Variants in ADGRL3 observed in about 807,000 individuals in gnomAD.
ADGRL3 encodes calcium-independent alpha-latrotoxin receptor 3.
A neutral mutation model predicts 153.5 loss-of-function variants in ADGRL3; 62 were observed. The observed-to-expected ratio is 0.40, with a 90% CI of 0.33 to 0.50. The LOEUF (loss-of-function observed/expected upper bound fraction) is 0.50. ADGRL3 is among the 20% of genes least tolerant of loss of function. The pLI is 0.47. For synonymous variants in ADGRL3, 710 were observed against 672.5 expected, an observed-to-expected ratio of 1.06 and a Z score of -0.86; for missense variants, 1,641 against 1,859.4, an observed-to-expected ratio of 0.88 and a Z score of 2.16.
At chr4:61,570,998 G>C (rs1297251880) in intron 4 of ADGRL3, among the ~76,000 whole-genome samples, 1 of 151,344 alleles carries the variant, frequency 6.6e-6, no homozygotes, top group Non-Finnish European at 1.5e-5. Flanking sequence ...TTAATGGGGG[G>C]TTGCTCAAAT....
At chr4:62,030,324 G>T (rs1265620660) in intron 22 of ADGRL3, among the ~76,000 whole-genome samples, 2 of 151,422 alleles carry the variant, frequency 1.3e-5, no homozygotes, top group Non-Finnish European at 3.0e-5. Flanking sequence ...TATAGTGGAG[G>T]ATAATAATCT....
At chr4:61,690,063 A>G (rs1245423252) in intron 6 of ADGRL3, among the ~76,000 whole-genome samples, 1 of 152,150 alleles carries the variant, frequency 6.6e-6, no homozygotes, top group African/African-American at 2.4e-5. Flanking sequence ...ATTCAAATTT[A>G]TTTGGCAAAT....
intron 4 of ADGRL3, among the ~76,000 whole-genome samples, chr4:61,570,841 G>A (rs867007997): frequency 6.6e-6 from 1 of 151,998 alleles, no homozygotes; most frequent in Non-Finnish European, 1.5e-5. Flanking sequence ...TTCTTGTCTT[G>A]TGTCTGTAGC....
At chr4:61,348,690 T>C (rs1208231834) in intron 1 of ADGRL3, among the ~76,000 whole-genome samples, 1 of 152,072 alleles carries the variant, frequency 6.6e-6, no homozygotes, top group Non-Finnish European at 1.5e-5. Context: ...TAAAATATAG[T>C]TGATATAATA....
intron 2 of ADGRL3, among the ~76,000 whole-genome samples, chr4:61,496,868 G>A (rs1374590811): frequency 6.6e-6 from 1 of 151,622 alleles, no homozygotes; most frequent in Non-Finnish European, 1.5e-5. Context: ...GTGAACCCGG[G>A]AGGCGGAGCT....
chr4:61,839,703 G>A (rs961905425), intron 9 of ADGRL3, among the ~76,000 whole-genome samples: 4 of 151,818 alleles, frequency 2.6e-5, no homozygotes, highest in South Asian at 2.1e-4. Context: ...GTAGGCCAAG[G>A]TGGGTGGATT....
intron 9 of ADGRL3, among the ~76,000 whole-genome samples, chr4:61,816,784 C>T (rs2097693178): frequency 6.6e-6 from 1 of 152,088 alleles, no homozygotes; most frequent in South Asian, 2.1e-4. Context: ...GCTGAGCCGG[C>T]AGGGGCCAGG....
At chr4:61,496,870 GGCGGAGCTTGCAGTGAGCCGAGATCGC>G (rs1222882719) in intron 2 of ADGRL3, among the ~76,000 whole-genome samples, 1 of 151,562 alleles carries the variant, frequency 6.6e-6, no homozygotes, top group African/African-American at 2.4e-5. Context: ...GAACCCGGGA[GGCGGAGCTTGCAGTGAGCCGAGATCGC>G]GCCACTGCAC....
intron 5 of ADGRL3, among the ~76,000 whole-genome samples, chr4:61,672,163 C>G (rs975277099): frequency 1.3e-5 from 2 of 152,018 alleles, no homozygotes; most frequent in Admixed American, 1.3e-4. Flanking sequence ...CCTATGTTTT[C>G]TTCTAATAGT....
chr4:61,394,507 T>G (rs551027219), intron 2 of ADGRL3, among the ~76,000 whole-genome samples: 1 of 152,096 alleles, frequency 6.6e-6, no homozygotes, highest in South Asian at 2.1e-4. Flanking sequence ...ATATATACAT[T>G]TAGAATTTAT....
At chr4:61,212,377 G>A (rs888402153) in intron 1 of ADGRL3, among the ~76,000 whole-genome samples, 1 of 152,094 alleles carries the variant, frequency 6.6e-6, no homozygotes, top group African/African-American at 2.4e-5. Flanking sequence ...TCTGTTTAGA[G>A]GCAGAGTATT....
At chr4:61,504,817 C>A (rs1008915907) in intron 3 of ADGRL3, among the ~76,000 whole-genome samples, 26 of 152,098 alleles carry the variant, frequency 1.7e-4, no homozygotes, top group Non-Finnish European at 5.9e-5. Flanking sequence ...GGATAAATTT[C>A]ATTGTGTATG....
chr4:61,496,872 C>T (rs1193756094), intron 2 of ADGRL3, among the ~76,000 whole-genome samples: 1 of 150,808 alleles, frequency 6.6e-6, no homozygotes, highest in African/African-American at 2.4e-5. Flanking sequence ...ACCCGGGAGG[C>T]GGAGCTTGCA....
At chr4:61,207,045 TTTA>T (rs542169417) in intron 1 of ADGRL3, among the ~76,000 whole-genome samples, 2,794 of 150,924 alleles carry the variant, frequency 0.019, 87 homozygotes, top group African/African-American at 0.063. Context: ...CTTTAGGTCA[TTTA>T]TTATTATTAT....
At chr4:61,645,128 ATTT>A (rs138058631) in intron 5 of ADGRL3, among the ~76,000 whole-genome samples, 22 of 151,598 alleles carry the variant, frequency 1.5e-4, no homozygotes, top group Admixed American at 1.2e-3. Context: ...TTTGTTTTCC[ATTT>A]TTTTTGGTAG....
In ADGRL3 at chr4:61,998,106, T is replaced by C. The variant is rs185389756; in HGVS notation, c.3304-68T>C. ...ATTTCCCAGAACAACTCATGTGTTA[T>C]AGAGAATAAATTTGCTTTTTTGTTC... On this transcript the variant is annotated intron_variant, in intron 20 of 26. Transcript: ENST00000683033. 52 of 703,338 alleles carry C rather than the reference T, an allele frequency of 7.4e-5. 1 individual carries two copies. Among genetic ancestry groups the C allele is most frequent in the African/African-American group, 5.8e-4 (32 of 55,570 alleles). 43.6% of individuals were successfully genotyped at this position (703,338 alleles called of 1,614,324 possible).
chr4:62,061,874 T>C (rs1048084170), intron 25 of ADGRL3, among the ~76,000 whole-genome samples: 6 of 151,994 alleles, frequency 3.9e-5, no homozygotes, highest in African/African-American at 1.4e-4. Context: ...TGAAGGAAAT[T>C]TGGGTTGTTT....
Position 61,745,703 on chromosome 4 carries a change from A to C in ADGRL3, c.1399+12149A>C, listed in dbSNP as rs1324553962. On this transcript the variant is annotated intron_variant, in intron 8 of 26. Coordinates refer to ENST00000683033, the MANE Select transcript of ADGRL3 (RefSeq NM_001387552.1). ...CAGGGCTTCCCTAAAAGAGCTCCTG[A>C]AGGAAGCACTAAACATGGAAAGGAA... Among the ~76,000 whole-genome samples, 4 of 152,238 alleles carry C rather than the reference A, an allele frequency of 2.6e-5. No homozygotes were observed. The East Asian group carries it at 7.7e-4, about 29-fold the overall frequency.
intron 8 of ADGRL3, among the ~76,000 whole-genome samples, chr4:61,751,339 T>A (rs6817207): frequency 0.087 from 13,212 of 152,136 alleles, 1,220 homozygotes; most frequent in African/African-American, 0.23. Context: ...TTGACTAAAA[T>A]CCATAATAAG....
Sources: allele counts gnomAD v4.1 joint callset (sites outside exome capture counted in the v4.1 genomes callset), GRCh38; gene constraint gnomAD v4.1.1; transcripts MANE v1.5; gene names NCBI Gene and HGNC (gene_info 2026-07-23, HGNC 2026-07-21).